ARB2A: variants seen among roughly 807,000 people sequenced by gnomAD.
ARB2A encodes the protein cotranscriptional regulator ARB2A.
At chr5:93,711,489 A>G in the ARB2A span, among the ~76,000 whole-genome samples, 1 of 151,960 alleles carries the variant, frequency 6.6e-6, no homozygotes, top group Admixed American at 6.6e-5. Context: ...ATCTTGTTCC[A>G]TAAAGGGTTT....
the ARB2A span, among the ~76,000 whole-genome samples, chr5:93,722,853 C>G: frequency 7.9e-5 from 12 of 152,098 alleles, no homozygotes; most frequent in Non-Finnish European, 1.6e-4. Flanking sequence ...GAATATTCAG[C>G]ATGTATAACA....
the ARB2A span, among the ~76,000 whole-genome samples, chr5:93,765,959 T>A: frequency 6.6e-6 from 1 of 152,208 alleles, no homozygotes; most frequent in Non-Finnish European, 1.5e-5. Context: ...ATTTAATTAA[T>A]GGTGCTGGGA....
chr5:93,763,216 T>C, the ARB2A span, among the ~76,000 whole-genome samples: 1 of 151,672 alleles, frequency 6.6e-6, no homozygotes, highest in African/African-American at 2.4e-5. Context: ...TAAATGCAAA[T>C]GGGCTAAATG....
the ARB2A span, among the ~76,000 whole-genome samples, chr5:93,630,950 T>C: frequency 6.6e-6 from 1 of 151,998 alleles, no homozygotes; most frequent in Non-Finnish European, 1.5e-5. Context: ...TGGAGTGCAA[T>C]GGTGTGATCT....
chr5:93,868,624 A>G, the ARB2A span, among the ~76,000 whole-genome samples: 1 of 152,202 alleles, frequency 6.6e-6, no homozygotes, highest in Non-Finnish European at 1.5e-5. Flanking sequence ...TCAACTATAT[A>G]AAACTCATTT....
At chr5:94,020,618 T>C in the ARB2A span, among the ~76,000 whole-genome samples, 1 of 152,094 alleles carries the variant, frequency 6.6e-6, no homozygotes, top group Admixed American at 6.6e-5. Flanking sequence ...ACATAACACT[T>C]GGTTGGATGG....
chr5:93,768,468 T>G, the ARB2A span, among the ~76,000 whole-genome samples: 1 of 150,068 alleles, frequency 6.7e-6, no homozygotes, highest in Non-Finnish European at 1.5e-5. Context: ...ATCCACTATA[T>G]ATATATATAT....
At chr5:93,901,737 G>C in the ARB2A span, among the ~76,000 whole-genome samples, 1 of 152,040 alleles carries the variant, frequency 6.6e-6, no homozygotes, top group Non-Finnish European at 1.5e-5. Flanking sequence ...AGATGAGTAG[G>C]TTCTCTTTAA....
the ARB2A span, among the ~76,000 whole-genome samples, chr5:93,690,003 A>T: frequency 1.3e-5 from 2 of 152,112 alleles, no homozygotes; most frequent in Non-Finnish European, 1.5e-5. Context: ...CTGTGTTGTG[A>T]GGAATGGTGC....
chr5:93,718,621 G>A, the ARB2A span, among the ~76,000 whole-genome samples: 57 of 152,182 alleles, frequency 3.7e-4, no homozygotes, highest in East Asian at 9.8e-3. Flanking sequence ...TTACTTGTAA[G>A]GCCCTAATAT....
At chr5:94,041,270 A>G in the ARB2A span, among the ~76,000 whole-genome samples, 1 of 151,904 alleles carries the variant, frequency 6.6e-6, no homozygotes, top group African/African-American at 2.4e-5. Flanking sequence ...TGAGGGACAC[A>G]TTAGGATAGA....
At chr5:94,081,134 T>C in the ARB2A span, among the ~76,000 whole-genome samples, 1 of 152,150 alleles carries the variant, frequency 6.6e-6, no homozygotes, top group Non-Finnish European at 1.5e-5. Context: ...CCACATGAGA[T>C]ACCTAATGCA....
At chr5:93,695,029 A>C in the ARB2A span, among the ~76,000 whole-genome samples, 1 of 152,350 alleles carries the variant, frequency 6.6e-6, no homozygotes, top group East Asian at 1.9e-4. Context: ...ACCTTACACA[A>C]AAATTAACTC....
At chr5:93,642,579 G>A in the ARB2A span, among the ~76,000 whole-genome samples, 1 of 152,020 alleles carries the variant, frequency 6.6e-6, no homozygotes, top group Admixed American at 6.5e-5. Flanking sequence ...TGCCATTTTT[G>A]GCCAGGCTGA....
At chr5:93,845,534 T>A in the ARB2A span, among the ~76,000 whole-genome samples, 1 of 152,208 alleles carries the variant, frequency 6.6e-6, no homozygotes. Context: ...GAAGGCAGAA[T>A]GACTCAGCCA....
At chr5:94,061,070 C>G in the ARB2A span, among the ~76,000 whole-genome samples, 5 of 152,076 alleles carry the variant, frequency 3.3e-5, no homozygotes, top group African/African-American at 1.2e-4. Context: ...AACCCTGTCT[C>G]TACTAAAAAT....
At chr5:93,946,076 C>T in the ARB2A span, among the ~76,000 whole-genome samples, 711 of 152,154 alleles carry the variant, frequency 4.7e-3, 6 homozygotes, top group African/African-American at 0.017. Context: ...AGACTGAAGG[C>T]ATTTTTCAGA....
At chr5:93,903,989 GT>G in the ARB2A span, among the ~76,000 whole-genome samples, 1 of 151,872 alleles carries the variant, frequency 6.6e-6, no homozygotes, top group Non-Finnish European at 1.5e-5. Context: ...TGTAATGAGT[GT>G]TTCTAAAACG....
chr5:94,053,505 T>C, the ARB2A span, among the ~76,000 whole-genome samples: 1 of 152,158 alleles, frequency 6.6e-6, no homozygotes, highest in Non-Finnish European at 1.5e-5. Flanking sequence ...CAGCTATTAA[T>C]TTGTACCTTA....
Sources: gnomAD v4.1 joint callset for allele counts (sites outside exome capture counted in the v4.1 genomes callset) on GRCh38, gnomAD v4.1.1 for gene constraint, MANE v1.5 for transcripts, NCBI Gene and HGNC (gene_info 2026-07-23, HGNC 2026-07-21) for gene names.